Variants in SUCO observed in about 807,000 individuals in gnomAD.
The protein encoded by SUCO is SUN domain containing ossification factor.
In SUCO, 57 loss-of-function variants were observed where a neutral mutation model predicts 148.1. The observed-to-expected ratio is 0.38, with a 90% CI of 0.31 to 0.48. The LOEUF is 0.48. SUCO is among the 20% of genes least tolerant of loss of function. SUCO has a pLI of 0.96. For missense variants in SUCO, 1,331 were observed against 1,468.2 expected (o/e 0.91, Z 1.53); for synonymous variants, 470 against 502.7 (o/e 0.93, Z 0.87).
chr1:172,573,956 TTTC>T lies in SUCO; in HGVS notation c.1120_1122del (p.Ser374del). The T allele has an allele frequency of 6.3e-7, 1 of 1,599,892 alleles. No homozygotes were observed. The highest frequency in any genetic ancestry group is 8.5e-7 in the Non-Finnish European group (1 of 1,169,866). On this transcript the variant is annotated inframe_deletion, in exon 10 of 24. Transcript: ENST00000263688. ...CTTGATATTGCAAATTATGAATTAT[TTTC>T]TTCTACTCCTAAAGATTTTCTGGTT...
At chr1:172,560,904 T>A (rs1301404264) in intron 6 of SUCO, among the ~76,000 whole-genome samples, 1 of 152,070 alleles carries the variant, frequency 6.6e-6, no homozygotes, top group Non-Finnish European at 1.5e-5. Context: ...CCCTATGGGG[T>A]GTGATCTTTA....
chr1:172,571,222 C>T (rs948982578), intron 9 of SUCO, among the ~76,000 whole-genome samples: 1 of 152,234 alleles, frequency 6.6e-6, no homozygotes, highest in African/African-American at 2.4e-5. Context: ...CCACGCCTGA[C>T]TGGTTTTCGT....
chr1:172,604,222 C>T (rs1285343368), intron 22 of SUCO, among the ~76,000 whole-genome samples: 1 of 151,916 alleles, frequency 6.6e-6, no homozygotes, highest in Admixed American at 6.6e-5. Context: ...TATTTCTCTT[C>T]TCTTTATCCA....
In SUCO at chr1:172,600,133, A is replaced by G. The variant is rs776616485; in HGVS notation, c.2983A>G (p.Asn995Asp). ...QLTNMTQLVS[N>D]LSATVAELKR... ...GACCAACATGACACAGCTTGTTTCA[A>G]ATTTATCAGCAACAGTAGCAGAATT... The change falls in exon 20 of 24, where the codon AAT becomes GAT. Residue 995 changes from asparagine (N) to aspartate (D), a missense_variant. Around this residue, in one of 3 missense-constraint regions of SUCO, gnomAD observed 334 missense variants for 352.3 expected, o/e 0.95. Transcript: ENST00000263688. 4.3e-6 allele frequency: 7 copies of G among 1,611,374 alleles called. No individual in the cohort carries two copies. The Admixed American group carries it at 1.2e-4, about 27-fold the overall frequency.
At chr1:172,571,145 C>T (rs996741925) in intron 9 of SUCO, among the ~76,000 whole-genome samples, 2 of 152,270 alleles carry the variant, frequency 1.3e-5, no homozygotes, top group African/African-American at 4.8e-5. Flanking sequence ...TCTCGGCACA[C>T]TGCAGCCTCC....
chr1:172,569,488 A>G, intron 7 of SUCO: 1 of 982,372 alleles, frequency 1.0e-6, no homozygotes, highest in Non-Finnish European at 1.2e-6. Context: ...TGGGTTTAAA[A>G]TATTCTTTAA....
chr1:172,573,771 C>G, intron 9 of SUCO, 120 bp from the exon 10 acceptor site: 1 of 601,628 alleles, frequency 1.7e-6, no homozygotes, highest in Admixed American at 3.5e-5. Flanking sequence ...ATACCCTCCT[C>G]TTAACATTTT....
At chr1:172,546,569 A>AC (rs898664843) in intron 1 of SUCO, among the ~76,000 whole-genome samples, 32 of 152,160 alleles carry the variant, frequency 2.1e-4, no homozygotes, top group African/African-American at 7.5e-4. Context: ...CCAAGTTTTA[A>AC]CCCCCGGTCC....
chr1:172,576,060 C>T (rs1655415216), intron 11 of SUCO, among the ~76,000 whole-genome samples: 1 of 151,690 alleles, frequency 6.6e-6, no homozygotes, highest in African/African-American at 2.4e-5. Flanking sequence ...TTGTCTTTTT[C>T]TTTGTATAGC....
chr1:172,598,433 C>T (rs570210020), intron 19 of SUCO, among the ~76,000 whole-genome samples: 10 of 152,072 alleles, frequency 6.6e-5, no homozygotes, highest in East Asian at 1.9e-4. Context: ...TAGTTTTTTG[C>T]GTTTCTGTGT....
At chr1:172,608,138 C>T in intron 22 of SUCO, 1 of 956,322 alleles carries the variant, frequency 1.0e-6, no homozygotes, top group Non-Finnish European at 1.2e-6. Context: ...AATTTACTCA[C>T]TATGCCAGAA....
chr1:172,542,747 G>A lies in SUCO; in HGVS notation c.63-8765G>A, dbSNP rs144485297. 58 of 985,380 alleles carry A rather than the reference G, an allele frequency of 5.9e-5. No homozygotes were observed. In the African/African-American group the frequency reaches 9.6e-4, roughly 16 times the overall value. 61.0% of individuals were successfully genotyped at this position (985,380 alleles called of 1,614,324 possible). A position where few individuals can be genotyped will look rare whatever the true frequency, so the allele number is the denominator to read the frequency against. On this transcript the variant is annotated intron_variant, in intron 1 of 23. Transcript: ENST00000263688. ...CATAGAGGGAATCATTTTTGAAAGA[G>A]AACATTGGACTTTTGAAACAGAATA...
intron 6 of SUCO, among the ~76,000 whole-genome samples, chr1:172,560,940 A>G (rs1654103571): frequency 6.6e-6 from 1 of 152,208 alleles, no homozygotes; most frequent in South Asian, 2.1e-4. Context: ...TTGAGTCTAT[A>G]GAGATACTTT....
upstream of SUCO, chr1:172,532,601 C>A (rs771538556): frequency 1.9e-6 from 3 of 1,613,990 alleles, no homozygotes; most frequent in East Asian, 4.5e-5. Flanking sequence ...CTAGGCCATT[C>A]CACGAACTGT....
intron 1 of SUCO, among the ~76,000 whole-genome samples, chr1:172,546,181 G>A (rs1228545187): frequency 6.6e-6 from 1 of 151,974 alleles, no homozygotes; most frequent in Non-Finnish European, 1.5e-5. Flanking sequence ...TCTTAAATTT[G>A]TCCATACTCT....
chr1:172,601,987 CT>C, intron 20 of SUCO, 76 bp from the exon 21 acceptor site: 2 of 1,364,166 alleles, frequency 1.5e-6, no homozygotes, highest in Non-Finnish European at 2.0e-6. Context: ...ATGATTTGTC[CT>C]TTGAATTTTA....
At chr1:172,537,956 G>A (rs1230559861) in intron 1 of SUCO, among the ~76,000 whole-genome samples, 1 of 152,196 alleles carries the variant, frequency 6.6e-6, no homozygotes, top group Non-Finnish European at 1.5e-5. Context: ...GAATTTTGTT[G>A]TAGGCAGAGA....
chr1:172,559,219 A>G (rs1653962571), intron 6 of SUCO, among the ~76,000 whole-genome samples: 1 of 152,182 alleles, frequency 6.6e-6, no homozygotes, highest in East Asian at 1.9e-4. Context: ...TTGTTTATAG[A>G]CAGTGCATTA....
At chr1:172,591,966 G>A (rs1279075284) in intron 19 of SUCO, among the ~76,000 whole-genome samples, 1 of 152,122 alleles carries the variant, frequency 6.6e-6, no homozygotes, top group African/African-American at 2.4e-5. Flanking sequence ...TTTAATGATT[G>A]CCATTTTAAC....
Sources: allele counts gnomAD v4.1 joint callset (sites outside exome capture counted in the v4.1 genomes callset), GRCh38; gene constraint gnomAD v4.1.1; regional missense constraint gnomAD v4.1.1; transcripts MANE v1.5; gene names NCBI Gene and HGNC (gene_info 2026-07-23, HGNC 2026-07-21).